The following PRKCA variants were observed in gnomAD, a reference collection of about 807,000 sequenced individuals.
The protein encoded by PRKCA is protein kinase C alpha, also known as protein kinase C alpha type.
In PRKCA, 27 loss-of-function variants were observed where a neutral mutation model predicts 87.0. That is an observed-to-expected ratio of 0.31 (90% CI 0.23 to 0.43). The LOEUF (loss-of-function observed/expected upper bound fraction) is 0.43, where lower values mean the gene tolerates loss of function less well. PRKCA is among the 20% of genes least tolerant of loss of function. The pLI is 1.00. For missense variants in PRKCA, 518 were observed against 852.3 expected (o/e 0.61, Z 4.88); for synonymous variants, 329 against 311.1 (o/e 1.06, Z -0.61).
chr17:66,666,325 G>A (rs748666564), intron 5 of PRKCA, among the ~76,000 whole-genome samples: 1 of 152,180 alleles, frequency 6.6e-6, no homozygotes, highest in Non-Finnish European at 1.5e-5. Context: ...AGTTAGAGGC[G>A]GCTGCTGTGC....
intron 2 of PRKCA, among the ~76,000 whole-genome samples, chr17:66,492,915 A>G (rs750278769): frequency 2.6e-5 from 4 of 152,092 alleles, no homozygotes; most frequent in Non-Finnish European, 4.4e-5. Context: ...CCTGCCCCTG[A>G]CTGTGCAGGG....
chr17:66,368,383 TA>T (rs1182347719), intron 2 of PRKCA, among the ~76,000 whole-genome samples: 2,794 of 39,094 alleles, frequency 0.071, 194 homozygotes, highest in Non-Finnish European at 0.087. Flanking sequence ...TATATATATA[TA>T]TATTTTTTTT....
At chr17:66,580,518 G>A (rs758281347) in intron 3 of PRKCA, among the ~76,000 whole-genome samples, 4 of 152,182 alleles carry the variant, frequency 2.6e-5, no homozygotes, top group Admixed American at 6.5e-5. Context: ...TTTGGGCTCC[G>A]CCTCCAGGGT....
At chr17:66,509,665 T>C (rs964813635) in intron 3 of PRKCA, among the ~76,000 whole-genome samples, 1 of 152,176 alleles carries the variant, frequency 6.6e-6, no homozygotes, top group African/African-American at 2.4e-5. Flanking sequence ...GAATAACGTA[T>C]GACCAAATGT....
At chr17:66,616,208 A>C (rs945136961) in intron 3 of PRKCA, among the ~76,000 whole-genome samples, 4 of 152,320 alleles carry the variant, frequency 2.6e-5, no homozygotes, top group Non-Finnish European at 5.9e-5. Context: ...AATAGTAAAA[A>C]TTTGTAGAAA....
At chr17:66,728,501 C>T (rs1389430180) in intron 8 of PRKCA, among the ~76,000 whole-genome samples, 3 of 152,224 alleles carry the variant, frequency 2.0e-5, no homozygotes, top group African/African-American at 4.8e-5. Flanking sequence ...ATATTGCTCT[C>T]AAACCTGGTG....
At chr17:66,342,488 T>G (rs1234588434) in intron 2 of PRKCA, among the ~76,000 whole-genome samples, 1 of 144,998 alleles carries the variant, frequency 6.9e-6, no homozygotes, top group African/African-American at 2.5e-5. Flanking sequence ...AATAATAAAT[T>G]CAGAGATGGA....
At chr17:66,729,295 T>C (rs1292340219) in intron 8 of PRKCA, among the ~76,000 whole-genome samples, 1 of 152,020 alleles carries the variant, frequency 6.6e-6, no homozygotes, top group Non-Finnish European at 1.5e-5. Context: ...TCCCAGCTAC[T>C]CAGGAGGCTG....
At chr17:66,693,083 A>G (rs1972825378) in intron 8 of PRKCA, among the ~76,000 whole-genome samples, 1 of 152,238 alleles carries the variant, frequency 6.6e-6, no homozygotes, top group South Asian at 2.1e-4. Context: ...ATTAGTATTC[A>G]TTCGATAATT....
intron 16 of PRKCA, among the ~76,000 whole-genome samples, chr17:66,791,797 G>A (rs528830498): frequency 3.3e-5 from 5 of 152,332 alleles, no homozygotes; most frequent in African/African-American, 7.2e-5. Flanking sequence ...TGCACAATAC[G>A]CTCTGGTTAA....
chr17:66,329,186 A>G (rs554664205), intron 2 of PRKCA, among the ~76,000 whole-genome samples: 1 of 152,272 alleles, frequency 6.6e-6, no homozygotes, highest in African/African-American at 2.4e-5. Flanking sequence ...TTAGGAGGAG[A>G]GATCAGCTGG....
At chr17:66,669,834 G>A (rs537910659) in intron 5 of PRKCA, among the ~76,000 whole-genome samples, 5 of 152,268 alleles carry the variant, frequency 3.3e-5, no homozygotes, top group South Asian at 2.1e-4. Flanking sequence ...CCCAGGAGGC[G>A]GAGGTTGCAG....
intron 2 of PRKCA, among the ~76,000 whole-genome samples, chr17:66,410,565 AG>A (rs1294261675): frequency 1.3e-5 from 2 of 152,074 alleles, no homozygotes; most frequent in East Asian, 3.9e-4. Flanking sequence ...ATTGTTAGGT[AG>A]TTGAACTTTT....
intron 13 of PRKCA, 93 bp from the exon 14 acceptor site, chr17:66,773,894 G>T: frequency 6.3e-7 from 1 of 1,576,258 alleles, no homozygotes; most frequent in South Asian, 1.1e-5. Flanking sequence ...TGCATGAACT[G>T]AGTGTATAAA....
chr17:66,778,860 AAAC>A lies in PRKCA; in HGVS notation c.1605+4800_1605+4802del, dbSNP rs1333894701. ...ACCCTGTCTCCAAAAAAAAAAAAAA[AAAC>A]AACAACTCCTTAAAGGCACTCCACA... On this transcript the variant is annotated intron_variant, in intron 14 of 16. Transcript: ENST00000413366. Among the ~76,000 whole-genome samples, 31 of 152,028 alleles carry A rather than the reference AAAC, an allele frequency of 2.0e-4. 1 individual carries two copies. The highest frequency in any genetic ancestry group is 4.1e-4 in the South Asian group (2 of 4,822).
At chr17:66,552,445 G>C (rs1968366344) in intron 3 of PRKCA, among the ~76,000 whole-genome samples, 2 of 152,228 alleles carry the variant, frequency 1.3e-5, no homozygotes, top group Non-Finnish European at 2.9e-5. Flanking sequence ...TTTCTCCCGG[G>C]CTGCAGCCCA....
intron 2 of PRKCA, among the ~76,000 whole-genome samples, chr17:66,472,783 C>T (rs1022150230): frequency 2.6e-5 from 4 of 152,264 alleles, no homozygotes; most frequent in South Asian, 2.1e-4. Flanking sequence ...AGGAGAATCT[C>T]GAGTTCCATG....
rs1567843698 is a variant in PRKCA at position 66,466,105 on chromosome 17, AT to A, written c.206-30095del. On this transcript the variant is annotated intron_variant, in intron 2 of 16. Coordinates refer to ENST00000413366, the MANE Select transcript of PRKCA (RefSeq NM_002737.3). ...AGTGCACCAGCAGCTGTTTTGTTACATAGCTGCTGTGTGCAGAGCCCAATAC... is the reference window on the plus strand; with the variant it reads ...AGTGCACCAGCAGCTGTTTTGTTACAAGCTGCTGTGTGCAGAGCCCAATAC... Among the ~76,000 whole-genome samples the A allele has an allele frequency of 4.6e-5, 7 of 152,364 alleles. No homozygotes were observed. The South Asian group carries it at 1.4e-3, about 32-fold the overall frequency.
intron 16 of PRKCA, among the ~76,000 whole-genome samples, chr17:66,799,061 G>GTGGTGA (rs1975792115): frequency 3.1e-4 from 10 of 32,452 alleles, no homozygotes; most frequent in East Asian, 1.8e-3. Flanking sequence ...GATGGTGGTG[G>GTGGTGA]TGGTGGTGGT....
Sources: gnomAD v4.1 joint callset for allele counts (sites outside exome capture counted in the v4.1 genomes callset) on GRCh38, gnomAD v4.1.1 for gene constraint, MANE v1.5 for transcripts, NCBI Gene and HGNC (gene_info 2026-07-23, HGNC 2026-07-21) for gene names.